BAHCC1: variants seen among roughly 807,000 people sequenced by gnomAD.
The protein encoded by BAHCC1 is BAH domain and coiled-coil containing 1.
A neutral mutation model predicts 88.2 loss-of-function variants in BAHCC1; 43 were observed. The ratio of observed to expected loss-of-function variants is 0.49; its 90% CI spans 0.38 to 0.63. The LOEUF (loss-of-function observed/expected upper bound fraction) is 0.63. Among genes scored for constraint, BAHCC1 ranks in the 20% least tolerant of loss-of-function variants. The pLI is 0.00. For synonymous variants in BAHCC1, 1,510 were observed against 745.5 expected (o/e 2.03, Z -16.71); for missense variants, 3,023 against 1,654.8 (o/e 1.83, Z -14.34).
intron 5 of BAHCC1, 69 bp downstream of exon 5, chr17:81,443,633 G>A (rs562017059): frequency 8.0e-6 from 5 of 622,010 alleles, no homozygotes; most frequent in South Asian, 3.6e-5. Context: ...CCTGCCCTGC[G>A]CCCCGGCTCC....
rs1034125884 is a variant in BAHCC1 at position 81,445,401 on chromosome 17, G to T, written c.2883G>T (p.Glu961Asp). The change falls in exon 10 of 28, where the codon GAG (glutamate) becomes GAT (aspartate). Residue 961 changes from glutamate to aspartate, a missense_variant. Physicochemically the swap from Glu to Asp is conservative, Grantham distance 45. Transcript: ENST00000675386. The stretch of plus-strand genomic sequence containing the variant: ...TGGATCTGGAGGAGCCCGCCCAGGA[G>T]AAGGCCCCAAAGTCCACCCACAAGC... ...QHLDLEEPAQ[E>D]KAPKSTHKPV... 1 of 777,140 alleles carries T rather than the reference G, an allele frequency of 1.3e-6. No individual in the cohort carries two copies. Among genetic ancestry groups the T allele is most frequent in the Non-Finnish European group, 2.4e-6 (1 of 417,232 alleles). 48.1% of individuals were successfully genotyped at this position (777,140 alleles called of 1,614,324 possible). A position where few individuals can be genotyped will look rare whatever the true frequency, so the allele number is the denominator to read the frequency against.
At chr17:81,446,528 T>A (rs1443850862) in intron 10 of BAHCC1, among the ~76,000 whole-genome samples, 1 of 48,050 alleles carries the variant, frequency 2.1e-5, no homozygotes, top group African/African-American at 7.4e-5. Context: ...GCTCACACCT[T>A]TTTTTTTTTT....
rs368104723 is a variant in BAHCC1, at chr17:81,452,713, C to G, written c.4317-10C>G. Reference sequence around the variant, plus strand: ...CATGAGCCTCTGACCATCCCCCCTGCGGCCCCCAGGAGAGACGAGAGTTCA... The same window carrying G: ...CATGAGCCTCTGACCATCCCCCCTGGGGCCCCCAGGAGAGACGAGAGTTCA... On this transcript the variant is annotated splice_polypyrimidine_tract_variant and intron_variant, in intron 13 of 27. Coordinates refer to ENST00000675386, the MANE Select transcript of BAHCC1 (RefSeq NM_001377448.1). The G allele has an allele frequency of 1.3e-6, 1 of 743,096 alleles. No homozygotes were observed. 46.0% of individuals were successfully genotyped at this position (743,096 alleles called of 1,614,324 possible).
rs372562697 is a variant in BAHCC1 at position 81,452,883 on chromosome 17, G to A, written c.4445+32G>A. The stretch of plus-strand genomic sequence containing the variant: ...CCTGGGCACTGGCATGGCAGGGCGC[G>A]TGTGGCCGGCCCTGGGCCCTCGAGG... On this transcript the variant is annotated intron_variant, in intron 14 of 27. Transcript: ENST00000675386. 8.2e-5 allele frequency: 58 copies of A among 711,428 alleles called. 1 individual carries two copies. The highest frequency in any genetic ancestry group is 2.4e-4 in the Middle Eastern group (1 of 4,142). 44.1% of individuals were successfully genotyped at this position (711,428 alleles called of 1,614,324 possible).
chr17:81,411,111 G>A lies in BAHCC1; in HGVS notation c.178+11194G>A, dbSNP rs879972434. On this transcript the variant is annotated intron_variant, in intron 2 of 27. Transcript: ENST00000675386. This position sits in a 1 kb window ranked among gnomAD's most constrained non-coding sequence, Gnocchi z 6.2. ...GTCACGCTCCCTTGTTCTCAGTCCC[G>A]CAGCCGTCCTCTGCGTGAGTCCATT... The A allele has an allele frequency of 1.9e-5, 10 of 519,370 alleles. No individual in the cohort carries two copies. Among genetic ancestry groups the A allele is most frequent in the South Asian group, 2.8e-5 (2 of 71,570 alleles). The allele number at this position is 519,370 out of a possible 1,614,324, so 32.2% of individuals were successfully genotyped here.
rs1161528756 is a variant in BAHCC1 at position 81,465,132 on chromosome 17, A to G, written c.*1315A>G. ...AGGCCAGCAGTGCTGTGGCCAGGGG[A>G]GAAGAAAATAAAACGCAGGCCCTGC... On this transcript the variant is annotated 3_prime_UTR_variant, in exon 28 of 28. Coordinates refer to ENST00000675386, the MANE Select transcript of BAHCC1 (RefSeq NM_001377448.1). 1 of 152,196 alleles carries G rather than the reference A, an allele frequency of 6.6e-6. No homozygotes were observed. Among genetic ancestry groups the G allele is most frequent in the Non-Finnish European group, 1.5e-5 (1 of 68,054 alleles). 9.4% of individuals were successfully genotyped at this position (152,196 alleles called of 1,614,324 possible). A position where few individuals can be genotyped will look rare whatever the true frequency, so the allele number is the denominator to read the frequency against.
At position 81,447,800 on chromosome 17, in the gene BAHCC1, C is replaced by T; in HGVS notation, c.3928C>T (p.Leu1310=). 1 of 751,204 alleles carries T rather than the reference C, an allele frequency of 1.3e-6. No individual in the cohort carries two copies. Among genetic ancestry groups the T allele is most frequent in the South Asian group, 1.4e-5 (1 of 70,508 alleles). 46.5% of individuals were successfully genotyped at this position (751,204 alleles called of 1,614,324 possible). The change falls in exon 11 of 28, where the codon CTG becomes TTG. Residue 1310 remains leucine (L), a synonymous_variant. Transcript: ENST00000675386. The part of the protein sequence containing the change: ...GIHGIALLSE[L]ADLAIQRQRS... Reference sequence around the variant, plus strand: ...TCATGGGATCGCTCTGCTCAGCGAGCTGGCTGACCTGGCAATCCAGCGGCA... The same window carrying T: ...TCATGGGATCGCTCTGCTCAGCGAGTTGGCTGACCTGGCAATCCAGCGGCA...
At chr17:81,419,054 G>A (rs1395038401) in intron 2 of BAHCC1, among the ~76,000 whole-genome samples, 1 of 152,118 alleles carries the variant, frequency 6.6e-6, no homozygotes, top group Non-Finnish European at 1.5e-5. Flanking sequence ...AGCCAGGGTG[G>A]GGGAAGCATC....
intron 2 of BAHCC1, among the ~76,000 whole-genome samples, chr17:81,404,390 A>G (rs1268461496): frequency 6.6e-6 from 1 of 152,220 alleles, no homozygotes; most frequent in Non-Finnish European, 1.5e-5. Flanking sequence ...TTTAAATTTA[A>G]TTGGTGGGGC....
intron 11 of BAHCC1, among the ~76,000 whole-genome samples, chr17:81,451,418 A>G (rs886713809): frequency 1.3e-5 from 2 of 152,112 alleles, no homozygotes; most frequent in Admixed American, 1.3e-4. Context: ...GCTCTGTGAC[A>G]CAGAGGACCC....
chr17:81,416,876 T>C (rs1430701119), intron 2 of BAHCC1, among the ~76,000 whole-genome samples: 1 of 152,190 alleles, frequency 6.6e-6, no homozygotes, highest in African/African-American at 2.4e-5. Flanking sequence ...CACATGGCTA[T>C]GTGGACACAG....
Position 81,452,001 on chromosome 17 carries a change from C to G in BAHCC1, c.4210C>G (p.Leu1404Val), listed in dbSNP as rs782722879. 3.9e-5 allele frequency: 25 copies of G among 636,110 alleles called. No homozygotes were observed. Among genetic ancestry groups the G allele is most frequent in the Non-Finnish European group, 6.7e-5 (24 of 357,324 alleles). The allele number at this position is 636,110 out of a possible 1,614,324, so 39.4% of individuals were successfully genotyped here. Reference protein sequence around the residue: ...VCPLKAAIDRLDTQEVGMRVR... With the variant: ...VCPLKAAIDRVDTQEVGMRVR... ...CCCCCTGAAGGCCGCCATCGACCGG[C>G]TGGACACGCAGGAGGTGGGGATGCG... is the stretch of plus-strand genomic sequence containing the variant. Residue 1404 changes from leucine to valine, a missense_variant, in exon 13 of 28, where the codon CTG becomes GTG. Coordinates refer to ENST00000675386, the MANE Select transcript of BAHCC1 (RefSeq NM_001377448.1).
chr17:81,443,016 A>G lies in BAHCC1; in HGVS notation c.1667A>G (p.Glu556Gly), dbSNP rs1555653096. Residue 556 changes from glutamate to glycine, a missense_variant, in exon 5 of 28, where the codon GAG becomes GGG. Glu to Gly is a moderately conservative substitution (Grantham distance 98). Transcript: ENST00000675386. ...CAGCACTTGATGGCCGCCGAGGTGG[A>G]GCAGGGGGGCATTGGGGCTGAGGCC... ...HQQHLMAAEV[E>G]QGGIGAEAKR... 1 of 778,420 alleles carries G rather than the reference A, an allele frequency of 1.3e-6. No individual in the cohort carries two copies. The highest frequency in any genetic ancestry group is 1.7e-5 in the African/African-American group (1 of 59,148). The allele number at this position is 778,420 out of a possible 1,614,324, so 48.2% of individuals were successfully genotyped here. A position where few individuals can be genotyped will look rare whatever the true frequency, so the allele number is the denominator to read the frequency against.
At chr17:81,409,590 G>A (rs1214927677) in intron 2 of BAHCC1, among the ~76,000 whole-genome samples, 1 of 152,224 alleles carries the variant, frequency 6.6e-6, no homozygotes, top group Non-Finnish European at 1.5e-5. Context: ...GGGAGCAAGA[G>A]CCAGTGGCTT....
rs555714796 is a variant in BAHCC1 at position 81,444,552 on chromosome 17, G to C, written c.2496G>C (p.Met832Ile). ...GCACCCGCAGCCCCTCCCTGTGGAT[G>C]GGGGGGCACTCCTACGGTCAGTGAT... ...LPRTRSPSLW[M>I]GGHSYGLGHP... The change falls in exon 7 of 28, where the codon ATG becomes ATC. Residue 832 changes from methionine (M) to isoleucine (I), a missense_variant. Transcript: ENST00000675386. 1.3e-5 allele frequency: 9 copies of C among 719,436 alleles called. No homozygotes were observed. In the Admixed American group the frequency reaches 1.3e-4, roughly 11 times the overall value. 44.6% of individuals were successfully genotyped at this position (719,436 alleles called of 1,614,324 possible).
chr17:81,457,179 G>A (rs1437925040), intron 16 of BAHCC1, among the ~76,000 whole-genome samples: 2 of 152,132 alleles, frequency 1.3e-5, no homozygotes, highest in East Asian at 1.9e-4. Flanking sequence ...CTATTGCCCA[G>A]GGTATAAGAA....
At position 81,447,534 on chromosome 17, in the gene BAHCC1, C is replaced by T. The variant is rs1568024531; in HGVS notation, c.3662C>T (p.Ala1221Val). The change falls in exon 11 of 28, where the codon GCC becomes GTC. Residue 1221 changes from alanine (A) to valine (V), a missense_variant. Coordinates refer to ENST00000675386, the MANE Select transcript of BAHCC1 (RefSeq NM_001377448.1). The stretch of plus-strand genomic sequence containing the variant: ...CTTGAGGACGAGGGGGAGCAGCCGG[C>T]CCCTGAGGAGGACGAGCTGGAGGAA... ...GALEDEGEQP[A>V]PEEDELEEDE... 4 of 755,134 alleles carry T rather than the reference C, an allele frequency of 5.3e-6. No homozygotes were observed. The East Asian group carries it at 7.5e-5, about 14-fold the overall frequency. The allele number at this position is 755,134 out of a possible 1,614,324, so 46.8% of individuals were successfully genotyped here. A position where few individuals can be genotyped will look rare whatever the true frequency, so the allele number is the denominator to read the frequency against.
chr17:81,457,102 G>A (rs62074831), intron 16 of BAHCC1, among the ~76,000 whole-genome samples: 55,163 of 152,062 alleles, frequency 0.36, 10,311 homozygotes, highest in Non-Finnish European at 0.39. Flanking sequence ...CCATCTGGGC[G>A]GAGGACAGCA....
At chr17:81,444,141 G>A (rs537503438) in intron 6 of BAHCC1, 33 of 602,714 alleles carry the variant, frequency 5.5e-5, no homozygotes, top group African/African-American at 5.0e-4. Flanking sequence ...ACTTTCAGGG[G>A]CCAGGAGATG....
Sources: allele counts gnomAD v4.1 joint callset (sites outside exome capture counted in the v4.1 genomes callset), GRCh38; gene constraint gnomAD v4.1.1; non-coding constraint Gnocchi (gnomAD v3.1); transcripts MANE v1.5; gene names NCBI Gene and HGNC (gene_info 2026-07-23, HGNC 2026-07-21).